Variants in CSMD1 observed in about 807,000 individuals in gnomAD.
CSMD1 encodes the protein CUB and Sushi multiple domains 1.
A neutral mutation model predicts 417.5 loss-of-function variants in CSMD1; 213 were observed. That is an observed-to-expected ratio of 0.51 (90% CI 0.46 to 0.57). The LOEUF (loss-of-function observed/expected upper bound fraction) is 0.57. CSMD1 is among the 20% of genes least tolerant of loss of function. The pLI is 0.00. For synonymous variants in CSMD1, 2,862 were observed against 1,736.8 expected (o/e 1.65, Z -16.11); for missense variants, 6,923 against 4,529.7 (o/e 1.53, Z -15.17).
chr8:2,975,047 G>A (rs577294581), intron 55 of CSMD1, among the ~76,000 whole-genome samples: 8 of 152,230 alleles, frequency 5.3e-5, no homozygotes, highest in South Asian at 2.1e-4. Context: ...CTTTGCTTGC[G>A]GACATGATTC....
chr8:3,487,687 C>A (rs1176593671), intron 11 of CSMD1, among the ~76,000 whole-genome samples: 12 of 152,124 alleles, frequency 7.9e-5, no homozygotes, highest in Admixed American at 7.9e-4. Context: ...GAGGTGCCTA[C>A]AAACACATTG....
At chr8:4,511,713 G>T (rs531339245) in intron 2 of CSMD1, among the ~76,000 whole-genome samples, 1 of 152,142 alleles carries the variant, frequency 6.6e-6, no homozygotes, top group Non-Finnish European at 1.5e-5. Flanking sequence ...ATGAACTGCT[G>T]CTGGCTCAGT....
chr8:4,171,944 GTTCT>G (rs1447495232), intron 3 of CSMD1, among the ~76,000 whole-genome samples: 1 of 152,062 alleles, frequency 6.6e-6, no homozygotes, highest in Non-Finnish European at 1.5e-5. Flanking sequence ...TAGATTTTGT[GTTCT>G]TTCTTGCATA....
intron 2 of CSMD1, among the ~76,000 whole-genome samples, chr8:4,426,463 G>T (rs1797560774): frequency 6.8e-6 from 1 of 147,602 alleles, no homozygotes. Context: ...TAAACATACA[G>T]ACTACAGTTT....
intron 1 of CSMD1, among the ~76,000 whole-genome samples, chr8:4,708,425 G>T (rs568565852): frequency 6.6e-6 from 1 of 152,130 alleles, no homozygotes; most frequent in Non-Finnish European, 1.5e-5. Flanking sequence ...AAGTAAAACT[G>T]CTAATAGTTT....
chr8:3,526,986 G>A (rs1250158809), intron 10 of CSMD1, among the ~76,000 whole-genome samples: 1 of 151,970 alleles, frequency 6.6e-6, no homozygotes, highest in African/African-American at 2.4e-5. Flanking sequence ...GGAGGGTGGG[G>A]CTATATCCTT....
In CSMD1 at chr8:4,163,481, A is replaced by G. The variant is rs556324763; in HGVS notation, c.416-131382T>C. Among the ~76,000 whole-genome samples, 66 of 152,116 alleles carry G rather than the reference A, an allele frequency of 4.3e-4. 2 individuals carry two copies. In the South Asian group the frequency reaches 0.013, roughly 30 times the overall value. ...TAATGTGTGAGTTACTTTTATTTAG[A>G]TTTTATCCTTCAACTCACAGTACAG... On this transcript the variant is annotated intron_variant, in intron 3 of 69. Transcript: ENST00000635120.
chr8:4,089,406 G>A (rs2066676916), intron 3 of CSMD1, among the ~76,000 whole-genome samples: 2 of 152,000 alleles, frequency 1.3e-5, no homozygotes, highest in East Asian at 1.9e-4. Flanking sequence ...ATTAGTAAAT[G>A]GTACATGGTT....
chr8:4,082,223 C>G (rs902560061), intron 3 of CSMD1, among the ~76,000 whole-genome samples: 1 of 152,090 alleles, frequency 6.6e-6, no homozygotes, highest in Non-Finnish European at 1.5e-5. Flanking sequence ...TATGACCACA[C>G]AGGTAAAATG....
rs78750245 is a variant in CSMD1 at position 4,825,343 on chromosome 8, G to C, written c.85+168989C>G. ...ATCCTGCACAGATATTTTCTTGTGT[G>C]CGGTAAGAACACTGACCTTGAGATT... On this transcript the variant is annotated intron_variant, in intron 1 of 69. Coordinates refer to ENST00000635120, the MANE Select transcript of CSMD1 (RefSeq NM_033225.6). Among the ~76,000 whole-genome samples, 1,494 of 152,144 alleles carry C rather than the reference G, an allele frequency of 9.8e-3. 26 individuals carry two copies. Among genetic ancestry groups the C allele is most frequent in the African/African-American group, 0.034 (1,431 of 41,500 alleles).
intron 2 of CSMD1, among the ~76,000 whole-genome samples, chr8:4,478,611 C>A (rs567987516): frequency 2.0e-5 from 3 of 152,074 alleles, no homozygotes; most frequent in Non-Finnish European, 4.4e-5. Context: ...GTATTATTGG[C>A]AGGGCGTTAT....
chr8:3,837,458 T>C (rs901286811), intron 5 of CSMD1, among the ~76,000 whole-genome samples: 3 of 152,126 alleles, frequency 2.0e-5, no homozygotes, highest in African/African-American at 4.8e-5. Flanking sequence ...AGAGAAGAGA[T>C]GTCCTCCTGG....
At chr8:4,775,123 T>C (rs947700983) in intron 1 of CSMD1, among the ~76,000 whole-genome samples, 1 of 152,158 alleles carries the variant, frequency 6.6e-6, no homozygotes, top group African/African-American at 2.4e-5. Context: ...TAAAATAATA[T>C]GTGTAAACAG....
intron 3 of CSMD1, among the ~76,000 whole-genome samples, chr8:4,115,973 TTTATTTATTTA>T (rs1299762642): frequency 1.9e-4 from 2 of 10,620 alleles, no homozygotes; most frequent in African/African-American, 8.6e-4. Context: ...ATTTTATTTA[TTTATTTATTTA>T]TTTATTTATT....
At chr8:4,663,144 C>G (rs1012584741) in intron 1 of CSMD1, among the ~76,000 whole-genome samples, 2 of 152,182 alleles carry the variant, frequency 1.3e-5, no homozygotes, top group Non-Finnish European at 2.9e-5. Flanking sequence ...GGATCTGTGT[C>G]ATTTCCTCTG....
At chr8:3,303,255 AGTTTT>A (rs1217137992) in intron 25 of CSMD1, among the ~76,000 whole-genome samples, 8 of 150,212 alleles carry the variant, frequency 5.3e-5, no homozygotes, top group Non-Finnish European at 9.0e-5. Flanking sequence ...ATAAATGTAT[AGTTTT>A]CTCTTAAGTG....
chr8:3,558,536 G>A (rs1363044661), intron 10 of CSMD1, among the ~76,000 whole-genome samples: 3 of 148,616 alleles, frequency 2.0e-5, no homozygotes, highest in African/African-American at 7.6e-5. Flanking sequence ...CTCCAACGAT[G>A]AACGGTGTCT....
chr8:3,862,350 G>T (rs200291976), intron 5 of CSMD1, among the ~76,000 whole-genome samples: 1 of 152,128 alleles, frequency 6.6e-6, no homozygotes, highest in East Asian at 1.9e-4. Context: ...ACCTCACTTT[G>T]CTTCCTCAGA....
chr8:4,101,089 A>G (rs1420668331), intron 3 of CSMD1, among the ~76,000 whole-genome samples: 1 of 152,182 alleles, frequency 6.6e-6, no homozygotes, highest in Non-Finnish European at 1.5e-5. Flanking sequence ...GTTCAGAACT[A>G]TGCATCTACC....
Sources: gnomAD v4.1 joint callset for allele counts (sites outside exome capture counted in the v4.1 genomes callset) on GRCh38, gnomAD v4.1.1 for gene constraint, MANE v1.5 for transcripts, NCBI Gene and HGNC (gene_info 2026-07-23, HGNC 2026-07-21) for gene names.